SLC24A4: variants seen among roughly 807,000 people sequenced by gnomAD.
SLC24A4 encodes sodium/potassium/calcium exchanger 4.
In SLC24A4, 53 loss-of-function variants were observed where a neutral mutation model predicts 79.0. That is an observed-to-expected ratio of 0.67 (90% CI 0.54 to 0.84). The LOEUF is 0.84. SLC24A4 is among the 40% of genes least tolerant of loss of function. SLC24A4 has a pLI of 0.00. For missense variants in SLC24A4, 731 were observed against 822.0 expected (o/e 0.89, Z 1.35); for synonymous variants, 323 against 323.8 (o/e 1.00, Z 0.03).
intron 2 of SLC24A4, among the ~76,000 whole-genome samples, chr14:92,356,201 G>T (rs1414421522): frequency 3.9e-5 from 6 of 152,130 alleles, no homozygotes; most frequent in Non-Finnish European, 8.8e-5. Flanking sequence ...GCTAAGCTAG[G>T]ATGTTCCGTA....
intron 10 of SLC24A4, chr14:92,451,589 G>T (rs553235098): frequency 6.6e-6 from 1 of 152,202 alleles, no homozygotes; most frequent in African/African-American, 2.4e-5. Context: ...AGGCCCGATC[G>T]AGCTGTTCTC....
intron 6 of SLC24A4, 152 bp from the exon 7 acceptor site, chr14:92,443,248 C>A: frequency 1.4e-6 from 1 of 717,006 alleles, no homozygotes; most frequent in Non-Finnish European, 2.4e-6. Flanking sequence ...TCATTCTGTT[C>A]CCCAAATTAT....
chr14:92,352,102 G>T (rs1886929023), intron 2 of SLC24A4, among the ~76,000 whole-genome samples: 1 of 152,086 alleles, frequency 6.6e-6, no homozygotes, highest in South Asian at 2.1e-4. Flanking sequence ...TGTTGTAGGT[G>T]GCAATGAAAA....
At chr14:92,359,913 C>T (rs78292930) in intron 2 of SLC24A4, among the ~76,000 whole-genome samples, 3,382 of 152,294 alleles carry the variant, frequency 0.022, 123 homozygotes, top group African/African-American at 0.076. Flanking sequence ...CACACACTTA[C>T]GTTTTTGTGT....
chr14:92,442,843 A>C, intron 6 of SLC24A4, 27 bp downstream of exon 6: 1 of 1,569,758 alleles, frequency 6.4e-7, no homozygotes, highest in Non-Finnish European at 8.8e-7. Flanking sequence ...TGGGCCCGGC[A>C]GATGCATGCC....
intron 2 of SLC24A4, among the ~76,000 whole-genome samples, chr14:92,334,927 C>T (rs1785786996): frequency 6.6e-6 from 1 of 152,096 alleles, no homozygotes; most frequent in Non-Finnish European, 1.5e-5. Flanking sequence ...TCATCATCGT[C>T]ATCGAGGTGA....
intron 2 of SLC24A4, among the ~76,000 whole-genome samples, chr14:92,374,859 T>G (rs1328296016): frequency 6.6e-6 from 1 of 152,242 alleles, no homozygotes; most frequent in East Asian, 1.9e-4. Flanking sequence ...CTTTAAACAT[T>G]TACTCCTATC....
intron 2 of SLC24A4, among the ~76,000 whole-genome samples, chr14:92,419,287 C>T (rs1891152559): frequency 6.6e-6 from 1 of 152,186 alleles, no homozygotes; most frequent in South Asian, 2.1e-4. Context: ...TTCCAGCCTT[C>T]CTCCAGGTCC....
intron 2 of SLC24A4, among the ~76,000 whole-genome samples, chr14:92,388,503 C>T (rs1051986975): frequency 6.6e-6 from 1 of 152,188 alleles, no homozygotes; most frequent in East Asian, 1.9e-4. Context: ...GACCCACAGG[C>T]GTTGACAGCC....
intron 2 of SLC24A4, among the ~76,000 whole-genome samples, chr14:92,335,201 A>G (rs988411753): frequency 2.6e-5 from 4 of 152,094 alleles, no homozygotes; most frequent in African/African-American, 9.7e-5. Context: ...CTCCATCCTC[A>G]CAGTTTCCCC....
intron 13 of SLC24A4, 97 bp from the exon 14 acceptor site, chr14:92,486,569 C>A: frequency 1.4e-6 from 1 of 730,064 alleles, no homozygotes; most frequent in South Asian, 1.8e-5. Context: ...TCTAAAATAA[C>A]TGTTTCCTAC....
rs188850252 is a variant in SLC24A4, at chr14:92,366,060, A to G, written c.241+40082A>G. Among the ~76,000 whole-genome samples the G allele has an allele frequency of 2.8e-3, 420 of 152,348 alleles. 3 individuals carry two copies. The highest frequency in any genetic ancestry group is 9.4e-3 in the African/African-American group (392 of 41,582). ...TAATCTGCACAGCCTTTTGTGGCAT[A>G]GGCACCATTATATTTCCATTTTTCA... On this transcript the variant is annotated intron_variant, in intron 2 of 16. Transcript: ENST00000532405.
chr14:92,361,759 C>T (rs1292141265), intron 2 of SLC24A4, among the ~76,000 whole-genome samples: 1 of 151,866 alleles, frequency 6.6e-6, no homozygotes, highest in Non-Finnish European at 1.5e-5. Flanking sequence ...TTGGGTGGGG[C>T]AGGATGGTGG....
intron 2 of SLC24A4, among the ~76,000 whole-genome samples, chr14:92,363,181 C>T (rs1005052632): frequency 6.6e-6 from 1 of 152,254 alleles, no homozygotes; most frequent in Non-Finnish European, 1.5e-5. Context: ...TTGCTTCCAG[C>T]CCGTGCCTCG....
intron 2 of SLC24A4, among the ~76,000 whole-genome samples, chr14:92,350,578 ACT>A: frequency 6.6e-6 from 1 of 151,906 alleles, no homozygotes; most frequent in South Asian, 2.1e-4. Flanking sequence ...TGATCTCCAA[ACT>A]CTCTCAGTCT....
intron 12 of SLC24A4, among the ~76,000 whole-genome samples, chr14:92,458,389 C>A (rs774100483): frequency 6.6e-6 from 1 of 152,212 alleles, no homozygotes; most frequent in Non-Finnish European, 1.5e-5. Context: ...TCAAACGCTT[C>A]CCTGGCATGC....
chr14:92,430,746 G>A (rs977023752), intron 2 of SLC24A4, among the ~76,000 whole-genome samples: 1 of 152,204 alleles, frequency 6.6e-6, no homozygotes, highest in Non-Finnish European at 1.5e-5. Flanking sequence ...GGGCAGGGGT[G>A]GGGGCTGGGA....
In SLC24A4 at chr14:92,490,615, C is replaced by T. The variant is rs149051364; in HGVS notation, c.1538-1050C>T. Among the ~76,000 whole-genome samples the T allele has an allele frequency of 1.5e-3, 222 of 152,288 alleles. No individual in the cohort carries two copies. Among genetic ancestry groups the T allele is most frequent in the African/African-American group, 5.2e-3 (215 of 41,542 alleles). On this transcript the variant is annotated intron_variant, in intron 14 of 16. Coordinates refer to ENST00000532405, the MANE Select transcript of SLC24A4 (RefSeq NM_153646.4). The surrounding 1 kb of genome is among the most constrained non-coding windows in gnomAD (Gnocchi z 4.3). The stretch of plus-strand genomic sequence containing the variant: ...GATGCTGTACCAGGGGACCTTGGGC[C>T]GCCTGCAAACTGTGCCCTTGGGCAC...
chr14:92,464,270 C>T (rs927769158), intron 12 of SLC24A4, among the ~76,000 whole-genome samples: 14 of 152,158 alleles, frequency 9.2e-5, no homozygotes, highest in East Asian at 5.8e-4. Context: ...AACTGAGAAC[C>T]GGAGAGGACC....
Sources: allele counts gnomAD v4.1 joint callset (sites outside exome capture counted in the v4.1 genomes callset), GRCh38; gene constraint gnomAD v4.1.1; non-coding constraint Gnocchi (gnomAD v3.1); transcripts MANE v1.5; gene names NCBI Gene and HGNC (gene_info 2026-07-23, HGNC 2026-07-21).